The following ANKS1B variants were observed in gnomAD, a reference collection of about 807,000 sequenced individuals.
ANKS1B encodes the protein ankyrin repeat and sterile alpha motif domain-containing protein 1B.
ANKS1B carries 36 observed loss-of-function variants against 148.3 expected under a neutral mutation model. That is an observed-to-expected ratio of 0.24 (90% CI 0.19 to 0.32). The LOEUF (loss-of-function observed/expected upper bound fraction) is 0.32. Ranked by LOEUF, ANKS1B falls within the 10% of genes least tolerant of loss-of-function variation. The pLI, the probability that ANKS1B is intolerant of heterozygous loss-of-function variation, is 1.00. For missense variants in ANKS1B, 1,157 were observed against 1,542.6 expected (o/e 0.75, Z 4.19); for synonymous variants, 542 against 560.8 (o/e 0.97, Z 0.47).
chr12:99,266,271 T>C (rs2076431011), intron 12 of ANKS1B, among the ~76,000 whole-genome samples: 1 of 152,176 alleles, frequency 6.6e-6, no homozygotes, highest in Non-Finnish European at 1.5e-5. Context: ...ATGGTTTAAG[T>C]GAGCTATATA....
intron 15 of ANKS1B, among the ~76,000 whole-genome samples, chr12:99,120,848 GA>G (rs2062614659): frequency 6.6e-6 from 1 of 152,234 alleles, no homozygotes; most frequent in Non-Finnish European, 1.5e-5. Context: ...TAGAGGTTTT[GA>G]AATTATCTGG....
At chr12:99,096,170 T>C (rs922617429) in intron 15 of ANKS1B, among the ~76,000 whole-genome samples, 4 of 152,318 alleles carry the variant, frequency 2.6e-5, no homozygotes, top group African/African-American at 4.8e-5. Context: ...TATGTTAGGT[T>C]GACCTTAGTG....
chr12:99,288,836 G>A (rs2079506055), intron 12 of ANKS1B, among the ~76,000 whole-genome samples: 2 of 151,998 alleles, frequency 1.3e-5, no homozygotes, highest in Middle Eastern at 3.4e-3. Context: ...ACAAAGGGAG[G>A]AAGAAAGGAA....
At chr12:99,100,477 G>A (rs1487935692) in intron 15 of ANKS1B, among the ~76,000 whole-genome samples, 1 of 152,218 alleles carries the variant, frequency 6.6e-6, no homozygotes, top group Non-Finnish European at 1.5e-5. Flanking sequence ...GAAGCTCAAA[G>A]TCACTGGGGG....
chr12:99,256,663 A>G (rs1253089042), intron 12 of ANKS1B, among the ~76,000 whole-genome samples: 1 of 152,040 alleles, frequency 6.6e-6, no homozygotes, highest in African/African-American at 2.4e-5. Flanking sequence ...TTTCTCTCAC[A>G]GTTTGAAGAA....
chr12:99,030,451 C>T (rs144924631), intron 17 of ANKS1B, among the ~76,000 whole-genome samples: 3,341 of 151,712 alleles, frequency 0.022, 116 homozygotes, highest in South Asian at 0.16. Context: ...CCCCCCAACC[C>T]CCACCCCCGT....
chr12:99,444,350 T>C (rs2152799789), intron 10 of ANKS1B, among the ~76,000 whole-genome samples: 1 of 152,028 alleles, frequency 6.6e-6, no homozygotes, highest in Middle Eastern at 3.4e-3. Context: ...TGCAAAATGG[T>C]TTTATGATGT....
intron 9 of ANKS1B, among the ~76,000 whole-genome samples, chr12:99,546,747 G>C (rs1257603874): frequency 2.6e-5 from 4 of 152,138 alleles, no homozygotes; most frequent in African/African-American, 4.8e-5. Flanking sequence ...ATGGAGTCTG[G>C]TCAGAACGAA....
intron 2 of ANKS1B, among the ~76,000 whole-genome samples, chr12:99,817,067 T>C (rs1338496728): frequency 6.6e-6 from 1 of 151,672 alleles, no homozygotes; most frequent in Non-Finnish European, 1.5e-5. Context: ...TTTTGAACTA[T>C]ACAATATTGG....
intron 9 of ANKS1B, among the ~76,000 whole-genome samples, chr12:99,604,265 C>T (rs1452502644): frequency 6.6e-6 from 1 of 151,958 alleles, no homozygotes; most frequent in Non-Finnish European, 1.5e-5. Context: ...TTTTTAAACA[C>T]TCATATGAAT....
chr12:99,137,773 T>C (rs2153785558), intron 15 of ANKS1B, among the ~76,000 whole-genome samples: 1 of 152,228 alleles, frequency 6.6e-6, no homozygotes, highest in East Asian at 1.9e-4. Context: ...TCCATACTAA[T>C]TATATGCTGT....
At chr12:99,091,220 T>C (rs116340089) in intron 15 of ANKS1B, among the ~76,000 whole-genome samples, 9 of 152,278 alleles carry the variant, frequency 5.9e-5, no homozygotes, top group South Asian at 2.1e-4. Context: ...TTTAGCATTA[T>C]ATATTTAACA....
At position 99,914,739 on chromosome 12, in the gene ANKS1B, G is replaced by A. The variant is rs974247319; in HGVS notation, c.134+69365C>T. 2.0e-5 allele frequency among the ~76,000 whole-genome samples: 3 copies of A among 152,154 alleles called. No homozygotes were observed. The East Asian group carries it at 5.8e-4, about 29-fold the overall frequency. ...GTGATATTTAGGGGGGTGTACATGA[G>A]ACCACTAAACACTCAAATCTGCTGA... is the stretch of plus-strand genomic sequence containing the variant. On this transcript the variant is annotated intron_variant, in intron 1 of 26. Transcript: ENST00000683438.
chr12:99,007,029 A>G (rs1251636501), intron 17 of ANKS1B, among the ~76,000 whole-genome samples: 1 of 150,626 alleles, frequency 6.6e-6, no homozygotes, highest in Non-Finnish European at 1.5e-5. Flanking sequence ...AGGTCCTACA[A>G]TTAAAACCCA....
intron 17 of ANKS1B, among the ~76,000 whole-genome samples, chr12:98,884,817 A>AG (rs1233994151): frequency 6.7e-6 from 1 of 149,724 alleles, no homozygotes; most frequent in Non-Finnish European, 1.5e-5. Context: ...AAAAAAAAAA[A>AG]AAAAAAAAGA....
At chr12:99,277,798 A>C (rs1237140300) in intron 12 of ANKS1B, among the ~76,000 whole-genome samples, 1 of 152,246 alleles carries the variant, frequency 6.6e-6, no homozygotes, top group Non-Finnish European at 1.5e-5. Flanking sequence ...GTAAGGTTGA[A>C]TACACATTTA....
At chr12:98,849,506 T>C (rs921711968) in intron 17 of ANKS1B, among the ~76,000 whole-genome samples, 4 of 152,170 alleles carry the variant, frequency 2.6e-5, no homozygotes, top group Admixed American at 1.3e-4. Context: ...AACATGGTGG[T>C]TTTATGAAGC....
chr12:99,507,339 GA>G (rs1236713719), intron 9 of ANKS1B, among the ~76,000 whole-genome samples: 10 of 151,932 alleles, frequency 6.6e-5, no homozygotes, highest in South Asian at 6.2e-4. Context: ...TTAAAGCCTC[GA>G]AAACCACTTT....
chr12:98,745,529 T>C lies in ANKS1B; in HGVS notation c.*210A>G, dbSNP rs1397657821. ...GAAAACCCATCTCAACTCACGCCTC[T>C]CAGGGGTTGCGACTGGAAAGTCTTG... On this transcript the variant is annotated 3_prime_UTR_variant, in exon 27 of 27. Transcript: ENST00000683438. The C allele has an allele frequency of 2.3e-6, 3 of 1,327,478 alleles. No homozygotes were observed. Among genetic ancestry groups the C allele is most frequent in the Non-Finnish European group, 2.9e-6 (3 of 1,036,546 alleles). 82.2% of individuals were successfully genotyped at this position (1,327,478 alleles called of 1,614,324 possible).
Sources: gnomAD v4.1 joint callset for allele counts (sites outside exome capture counted in the v4.1 genomes callset) on GRCh38, gnomAD v4.1.1 for gene constraint, MANE v1.5 for transcripts, NCBI Gene and HGNC (gene_info 2026-07-23, HGNC 2026-07-21) for gene names.